Variants in THSD7A observed in about 807,000 individuals in gnomAD.
THSD7A encodes thrombospondin type-1 domain-containing protein 7A.
Under a neutral mutation model 231.3 loss-of-function variants are expected in THSD7A, and 96 were observed. The ratio of observed to expected loss-of-function variants is 0.41; its 90% CI spans 0.35 to 0.49. The LOEUF is 0.49. Ranked by LOEUF, THSD7A falls within the 20% of genes least tolerant of loss-of-function variation. The probability of loss-of-function intolerance (pLI) is 0.05; values close to 1 mark genes in which losing one functional copy is unlikely to be tolerated. For missense variants in THSD7A, 2,290 were observed against 2,070.2 expected (o/e 1.11, Z -2.06); for synonymous variants, 940 against 743.3 (o/e 1.26, Z -4.30).
At chr7:11,749,495 C>T (rs1782429373) in intron 1 of THSD7A, among the ~76,000 whole-genome samples, 1 of 151,386 alleles carries the variant, frequency 6.6e-6, no homozygotes, top group Admixed American at 6.6e-5. Flanking sequence ...AGTATAGCGG[C>T]CATCACCCAA....
At chr7:11,429,554 CA>C (rs1346335441) in intron 13 of THSD7A, among the ~76,000 whole-genome samples, 4 of 152,200 alleles carry the variant, frequency 2.6e-5, no homozygotes, top group Non-Finnish European at 5.9e-5. Flanking sequence ...TAAGAAATCC[CA>C]GTCCCTTTCA....
At chr7:11,450,845 T>C (rs1583765699) in intron 11 of THSD7A, among the ~76,000 whole-genome samples, 1 of 151,994 alleles carries the variant, frequency 6.6e-6, no homozygotes, top group African/African-American at 2.4e-5. Flanking sequence ...GAAAAAGTCA[T>C]GTTACCCTAC....
rs1191750782 is a variant in THSD7A, at chr7:11,518,439, G to A, written c.1822+22980C>T. 6.6e-5 allele frequency among the ~76,000 whole-genome samples: 10 copies of A among 152,232 alleles called. No individual in the cohort carries two copies. The East Asian group carries it at 1.9e-3, about 29-fold the overall frequency. ...TAAGTTTGTAGAAAAGCAAAACTGG[G>A]GCATATATGAATGAATGCTTTGGTA... On this transcript the variant is annotated intron_variant, in intron 6 of 27. Coordinates refer to ENST00000423059, the MANE Select transcript of THSD7A (RefSeq NM_015204.3).
intron 11 of THSD7A, among the ~76,000 whole-genome samples, chr7:11,458,383 T>C (rs1232805296): frequency 1.3e-5 from 2 of 152,078 alleles, no homozygotes; most frequent in African/African-American, 4.8e-5. Flanking sequence ...TATAGAAATA[T>C]AAGCTGTACG....
intron 1 of THSD7A, among the ~76,000 whole-genome samples, chr7:11,695,893 C>T (rs746431929): frequency 4.6e-5 from 7 of 151,356 alleles, no homozygotes; most frequent in Non-Finnish European, 5.9e-5. Flanking sequence ...TTGAAGCGGA[C>T]GTGACTTAGG....
intron 1 of THSD7A, among the ~76,000 whole-genome samples, chr7:11,665,341 A>G (rs1783089263): frequency 1.3e-5 from 2 of 152,092 alleles, no homozygotes; most frequent in African/African-American, 4.8e-5. Context: ...ACAGCTTTTC[A>G]GGCATATAAA....
At chr7:11,612,668 C>G (rs1453650149) in intron 2 of THSD7A, among the ~76,000 whole-genome samples, 3 of 152,100 alleles carry the variant, frequency 2.0e-5, no homozygotes, top group African/African-American at 7.2e-5. Flanking sequence ...AACAGTATTA[C>G]CAGATCATCT....
chr7:11,826,028 T>A (rs1478812353), intron 1 of THSD7A, among the ~76,000 whole-genome samples: 1 of 152,218 alleles, frequency 6.6e-6, no homozygotes, highest in Non-Finnish European at 1.5e-5. Context: ...CATTGGAGAA[T>A]ATTTTATATG....
chr7:11,438,715 C>T (rs1784709894), intron 13 of THSD7A, among the ~76,000 whole-genome samples: 1 of 151,974 alleles, frequency 6.6e-6, no homozygotes, highest in Non-Finnish European at 1.5e-5. Flanking sequence ...TGTATGTTAG[C>T]TTTCTGAATG....
intron 6 of THSD7A, among the ~76,000 whole-genome samples, chr7:11,539,819 C>G (rs756800938): frequency 6.6e-6 from 1 of 152,162 alleles, no homozygotes; most frequent in African/African-American, 2.4e-5. Context: ...GCAAAGTTAA[C>G]TTTTTAGCGT....
rs1346226003 is a variant in THSD7A at position 11,444,609 on chromosome 7, G to C, written c.3064+1452C>G. Among the ~76,000 whole-genome samples the C allele has an allele frequency of 3.3e-5, 5 of 151,880 alleles. No homozygotes were observed. Among genetic ancestry groups the C allele is most frequent in the Non-Finnish European group, 7.4e-5 (5 of 67,974 alleles). ...ACACACCGGGGTCTGTCAGGGGATG[G>C]GGGGCAGTGGAGGGATAGCATCAGG... On this transcript the variant is annotated intron_variant, in intron 13 of 27. Transcript: ENST00000423059. The surrounding 1 kb of genome is among the most constrained non-coding windows in gnomAD (Gnocchi z 4.2).
chr7:11,441,416 G>T (rs1250262970), intron 13 of THSD7A, among the ~76,000 whole-genome samples: 3 of 151,708 alleles, frequency 2.0e-5, no homozygotes, highest in Non-Finnish European at 4.4e-5. Context: ...GCATAAGCTG[G>T]GCTACCTCTA....
intron 7 of THSD7A, among the ~76,000 whole-genome samples, chr7:11,480,418 A>G (rs1194538502): frequency 6.6e-6 from 1 of 152,170 alleles, no homozygotes; most frequent in Non-Finnish European, 1.5e-5. Flanking sequence ...AAGCAGGGTG[A>G]CCACAGATCT....
chr7:11,713,001 AC>A (rs1781016832), intron 1 of THSD7A, among the ~76,000 whole-genome samples: 1 of 151,126 alleles, frequency 6.6e-6, no homozygotes, highest in African/African-American at 2.4e-5. Context: ...CCACATCTCT[AC>A]ATGACTCTGA....
intron 16 of THSD7A, among the ~76,000 whole-genome samples, chr7:11,421,976 C>G (rs1187195780): frequency 6.6e-6 from 1 of 152,108 alleles, no homozygotes; most frequent in Non-Finnish European, 1.5e-5. Context: ...CTTTAAATTC[C>G]TTTGTTTTCT....
intron 1 of THSD7A, among the ~76,000 whole-genome samples, chr7:11,722,446 G>T (rs1254808306): frequency 2.0e-5 from 3 of 151,810 alleles, no homozygotes; most frequent in African/African-American, 7.3e-5. Context: ...ATGTTTCTTA[G>T]ACTTTTGCAT....
intron 11 of THSD7A, among the ~76,000 whole-genome samples, chr7:11,456,414 G>C (rs1785310720): frequency 6.6e-6 from 1 of 151,944 alleles, no homozygotes; most frequent in Admixed American, 6.6e-5. Flanking sequence ...CTTAAAGGCA[G>C]ATATTTTACT....
At chr7:11,731,665 T>G (rs1781740245) in intron 1 of THSD7A, among the ~76,000 whole-genome samples, 1 of 151,526 alleles carries the variant, frequency 6.6e-6, no homozygotes, top group African/African-American at 2.4e-5. Context: ...ATGCAAGCAA[T>G]AAGCCAGGCA....
At chr7:11,820,282 C>G in intron 1 of THSD7A, 1 of 493,798 alleles carries the variant, frequency 2.0e-6, no homozygotes, top group South Asian at 7.6e-5. Flanking sequence ...CAGCACCTCT[C>G]TCCCCTGGGC....
Sources: allele counts gnomAD v4.1 joint callset (sites outside exome capture counted in the v4.1 genomes callset), GRCh38; gene constraint gnomAD v4.1.1; non-coding constraint Gnocchi (gnomAD v3.1); transcripts MANE v1.5; gene names NCBI Gene and HGNC (gene_info 2026-07-23, HGNC 2026-07-21).